The following KIF6 variants were observed in gnomAD, a reference collection of about 807,000 sequenced individuals.
KIF6 encodes the protein kinesin family member 6.
In KIF6, 106 loss-of-function variants were observed where a neutral mutation model predicts 112.7. That is an observed-to-expected ratio of 0.94 (90% CI 0.80 to 1.11). KIF6 has a LOEUF of 1.11. Among genes scored for constraint, KIF6 ranks in the 50% least tolerant of loss-of-function variants. KIF6 has a pLI of 0.00. For synonymous variants in KIF6, 339 were observed against 339.9 expected (o/e 1.00, Z 0.03); for missense variants, 929 against 964.0 (o/e 0.96, Z 0.48).
At chr6:39,520,827 T>C (rs1419418624) in intron 13 of KIF6, among the ~76,000 whole-genome samples, 1 of 152,156 alleles carries the variant, frequency 6.6e-6, no homozygotes, top group African/African-American at 2.4e-5. Flanking sequence ...CTCACACACA[T>C]ATACTAATTA....
intron 9 of KIF6, 43 bp downstream of exon 9, chr6:39,584,855 A>T: frequency 8.2e-7 from 1 of 1,221,422 alleles, no homozygotes; most frequent in Non-Finnish European, 1.2e-6. Context: ...AATCTTTGAT[A>T]TACTTTAATA....
chr6:39,619,233 C>T (rs2466407), intron 5 of KIF6, among the ~76,000 whole-genome samples: 80,956 of 152,012 alleles, frequency 0.53, 24,461 homozygotes, highest in African/African-American at 0.83. Flanking sequence ...TTGCTATCCA[C>T]ATGAATTTCT....
At chr6:39,615,956 C>T (rs1258747327) in intron 5 of KIF6, among the ~76,000 whole-genome samples, 1 of 152,124 alleles carries the variant, frequency 6.6e-6, no homozygotes. Context: ...TCTCCCTAAA[C>T]ATCCATAGGG....
intron 15 of KIF6, among the ~76,000 whole-genome samples, chr6:39,419,517 C>T (rs757912792): frequency 1.3e-5 from 2 of 152,148 alleles, no homozygotes; most frequent in Non-Finnish European, 2.9e-5. Flanking sequence ...TATCCTTCCA[C>T]CAGCTTATTG....
At chr6:39,644,778 T>C (rs968107130) in intron 3 of KIF6, among the ~76,000 whole-genome samples, 1 of 152,174 alleles carries the variant, frequency 6.6e-6, no homozygotes. Flanking sequence ...TAAAAACAAC[T>C]AAATTGCATG....
chr6:39,405,207 T>C (rs9369115), intron 15 of KIF6, among the ~76,000 whole-genome samples: 131,292 of 152,138 alleles, frequency 0.86, 58,133 homozygotes, highest in East Asian at 1. Context: ...GCCTTTTATA[T>C]ATTTTTCTTG....
chr6:39,645,219 A>G (rs1036792347), intron 3 of KIF6, among the ~76,000 whole-genome samples: 11 of 152,152 alleles, frequency 7.2e-5, no homozygotes, highest in Non-Finnish European at 1.5e-4. Flanking sequence ...GTAGTTTGTC[A>G]TTTCTTATCT....
chr6:39,714,790 A>G (rs748714906), intron 2 of KIF6, 24 bp from the exon 3 acceptor site: 6 of 1,471,026 alleles, frequency 4.1e-6, no homozygotes, highest in Non-Finnish European at 5.7e-6. Flanking sequence ...AATAGTAATT[A>G]TTTAAAAGCT....
At chr6:39,455,502 G>A (rs1378555790) in intron 13 of KIF6, among the ~76,000 whole-genome samples, 6 of 152,236 alleles carry the variant, frequency 3.9e-5, no homozygotes, top group South Asian at 2.1e-4. Context: ...CACCAGCAAC[G>A]GAACAAAGCT....
chr6:39,688,147 G>A (rs572920779), intron 3 of KIF6, among the ~76,000 whole-genome samples: 1 of 152,276 alleles, frequency 6.6e-6, no homozygotes, highest in Non-Finnish European at 1.5e-5. Flanking sequence ...GACCTTGCAG[G>A]GGAGAATGCA....
intron 16 of KIF6, among the ~76,000 whole-genome samples, chr6:39,383,114 T>A (rs1021934164): frequency 6.6e-6 from 1 of 152,112 alleles, no homozygotes; most frequent in Non-Finnish European, 1.5e-5. Context: ...TTCTGTAGGT[T>A]GTCTGTTTAC....
intron 1 of KIF6, among the ~76,000 whole-genome samples, chr6:39,723,921 G>GA (rs1023297069): frequency 6.7e-4 from 101 of 149,690 alleles, no homozygotes; most frequent in Admixed American, 1.5e-3. Context: ...TTCTAAAATT[G>GA]AAAAAAAAAA....
intron 13 of KIF6, among the ~76,000 whole-genome samples, chr6:39,524,152 AAGAGAGAG>A (rs59374171): frequency 4.5e-4 from 68 of 149,554 alleles, no homozygotes; most frequent in Non-Finnish European, 9.1e-4. Context: ...GTGTGTGTGA[AAGAGAGAG>A]AGAGAGAGAG....
chr6:39,689,357 G>A (rs1304542420), intron 3 of KIF6, among the ~76,000 whole-genome samples: 1 of 152,042 alleles, frequency 6.6e-6, no homozygotes, highest in Non-Finnish European at 1.5e-5. Flanking sequence ...TTAGCTGAGT[G>A]TGGTGGTGCG....
intron 13 of KIF6, among the ~76,000 whole-genome samples, chr6:39,539,719 A>G (rs1466760839): frequency 6.6e-6 from 1 of 152,196 alleles, no homozygotes; most frequent in African/African-American, 2.4e-5. Context: ...TCATCATATC[A>G]GCAATATCTG....
chr6:39,447,737 A>G (rs1772419908), intron 13 of KIF6, among the ~76,000 whole-genome samples: 1 of 152,106 alleles, frequency 6.6e-6, no homozygotes, highest in South Asian at 2.1e-4. Flanking sequence ...CTTTTCTTGG[A>G]AATGCTTCAA....
intron 3 of KIF6, among the ~76,000 whole-genome samples, chr6:39,654,704 G>C (rs1421833581): frequency 6.6e-6 from 1 of 152,030 alleles, no homozygotes; most frequent in Admixed American, 6.6e-5. Flanking sequence ...TATCCCTTTT[G>C]TATGCATACT....
chr6:39,550,384 G>C (rs912906287), intron 10 of KIF6, among the ~76,000 whole-genome samples: 1 of 152,140 alleles, frequency 6.6e-6, no homozygotes, highest in Non-Finnish European at 1.5e-5. Context: ...GACAGCAATG[G>C]GAGGTGTGCC....
At chr6:39,369,714 G>A (rs1023651955) in intron 16 of KIF6, among the ~76,000 whole-genome samples, 1 of 152,112 alleles carries the variant, frequency 6.6e-6, no homozygotes, top group Non-Finnish European at 1.5e-5. Context: ...AGGGTCAGTC[G>A]GCAATATAAA....
Sources: allele counts gnomAD v4.1 joint callset (sites outside exome capture counted in the v4.1 genomes callset), GRCh38; gene constraint gnomAD v4.1.1; transcripts MANE v1.5; gene names NCBI Gene and HGNC (gene_info 2026-07-23, HGNC 2026-07-21).